GLI2: variants seen among roughly 807,000 people sequenced by gnomAD.
GLI2 encodes GLI family zinc finger 2.
Under a neutral mutation model 78.9 loss-of-function variants are expected in GLI2, and 22 were observed. The ratio of observed to expected loss-of-function variants is 0.28; its 90% CI spans 0.20 to 0.40. GLI2 has a LOEUF of 0.40. Among genes scored for constraint, GLI2 ranks in the 10% least tolerant of loss-of-function variants. The pLI is 1.00. For missense variants in GLI2, 2,097 were observed against 2,213.2 expected, an observed-to-expected ratio of 0.95 and a Z score of 1.05; for synonymous variants, 974 against 963.7, an observed-to-expected ratio of 1.01 and a Z score of -0.20.
At chr2:120,761,898 C>T (rs1683224906) in intron 1 of GLI2, among the ~76,000 whole-genome samples, 1 of 152,122 alleles carries the variant, frequency 6.6e-6, no homozygotes, top group Admixed American at 6.5e-5. Context: ...CCCTCTTGGT[C>T]CTTAGCCAGA....
chr2:120,826,643 A>G (rs1686077594), intron 2 of GLI2, among the ~76,000 whole-genome samples: 1 of 152,206 alleles, frequency 6.6e-6, no homozygotes, highest in African/African-American at 2.4e-5. Context: ...GCCGTTTTAC[A>G]GATTAGGGAC....
chr2:120,777,426 G>C (rs1010733116), intron 1 of GLI2, among the ~76,000 whole-genome samples: 1 of 152,114 alleles, frequency 6.6e-6, no homozygotes, highest in East Asian at 1.9e-4. Context: ...TGTTTCCAGT[G>C]CCGTTTGGGC....
intron 2 of GLI2, among the ~76,000 whole-genome samples, chr2:120,919,039 T>C (rs899911562): frequency 6.6e-6 from 1 of 152,238 alleles, no homozygotes; most frequent in Non-Finnish European, 1.5e-5. Context: ...TACTGCTTTT[T>C]TCTTTCTTCT....
intron 2 of GLI2, among the ~76,000 whole-genome samples, chr2:120,914,476 CCTT>C (rs1678994253): frequency 1.3e-5 from 2 of 152,218 alleles, no homozygotes; most frequent in Non-Finnish European, 2.9e-5. Context: ...TTTTTAGAAA[CCTT>C]CTGTGACCAA....
chr2:120,961,300 C>T (rs1243194546), intron 5 of GLI2, among the ~76,000 whole-genome samples: 1 of 152,106 alleles, frequency 6.6e-6, no homozygotes, highest in African/African-American at 2.4e-5. Flanking sequence ...TTGATCAAAC[C>T]CAGAGAGGCA....
intron 2 of GLI2, among the ~76,000 whole-genome samples, chr2:120,891,871 G>A (rs1431294473): frequency 6.6e-6 from 1 of 152,206 alleles, no homozygotes; most frequent in African/African-American, 2.4e-5. Flanking sequence ...CTGGGAGATT[G>A]TGAGAAGCTG....
At chr2:120,861,044 C>G (rs1687878617) in intron 2 of GLI2, among the ~76,000 whole-genome samples, 1 of 152,144 alleles carries the variant, frequency 6.6e-6, no homozygotes, top group Non-Finnish European at 1.5e-5. Flanking sequence ...ATCCTGAAGC[C>G]CTAGATGCCC....
rs377701321 is a variant in GLI2, at chr2:120,984,467, C to G, written c.1633-4C>G. 4.4e-5 allele frequency: 71 copies of G among 1,614,004 alleles called. No individual in the cohort carries two copies. The highest frequency in any genetic ancestry group is 3.3e-4 in the Middle Eastern group (2 of 6,084). On this transcript the variant is annotated splice_region_variant and splice_polypyrimidine_tract_variant and intron_variant, in intron 11 of 13. Coordinates refer to ENST00000361492, the MANE Select transcript of GLI2 (RefSeq NM_001374353.1). Reference sequence around the variant, plus strand: ...CCATGACACAGGCCTGCTTCTCTCCCCAGAAACCCTACATCTGCAAGATCC... The same window carrying G: ...CCATGACACAGGCCTGCTTCTCTCCGCAGAAACCCTACATCTGCAAGATCC...
At chr2:120,929,000 C>G (rs149458041) in intron 3 of GLI2, among the ~76,000 whole-genome samples, 1 of 152,064 alleles carries the variant, frequency 6.6e-6, no homozygotes, top group African/African-American at 2.4e-5. Flanking sequence ...ACTTGGTTGC[C>G]GAGACTCCTT....
Position 120,989,460 on chromosome 2 carries a change from G to A in GLI2, c.3495G>A (p.Gln1165=). Residue 1165 remains glutamine, a synonymous_variant, in exon 14 of 14, where the codon CAG becomes CAA. Coordinates refer to ENST00000361492, the MANE Select transcript of GLI2 (RefSeq NM_001374353.1). ...TGCAGCAGAAGCCTGCCTTTGGCCA[G>A]TACCCGGGCTACAGTCCGCAAGGCC... ...AVVQQKPAFG[Q]YPGYSPQGLQ... 6.2e-7 allele frequency: 1 copy of A among 1,613,104 alleles called. No individual in the cohort carries two copies. Among genetic ancestry groups the A allele is most frequent in the Non-Finnish European group, 8.5e-7 (1 of 1,179,986 alleles).
intron 3 of GLI2, among the ~76,000 whole-genome samples, chr2:120,942,536 T>C (rs990691510): frequency 1.3e-5 from 2 of 152,250 alleles, no homozygotes; most frequent in Admixed American, 1.3e-4. Flanking sequence ...CTTGTCTTAA[T>C]CACATCTGTC....
chr2:120,877,491 T>G (rs1688814388), intron 2 of GLI2, among the ~76,000 whole-genome samples: 1 of 152,148 alleles, frequency 6.6e-6, no homozygotes, highest in Non-Finnish European at 1.5e-5. Flanking sequence ...ACCATGACCA[T>G]GAGCCGAAGC....
At chr2:120,767,508 T>G (rs1683399447) in intron 1 of GLI2, among the ~76,000 whole-genome samples, 1 of 152,208 alleles carries the variant, frequency 6.6e-6, no homozygotes, top group Non-Finnish European at 1.5e-5. Context: ...ACTGGGAAAT[T>G]AAGTCGCATC....
chr2:120,946,692 T>G (rs1271480070), intron 3 of GLI2, among the ~76,000 whole-genome samples: 1 of 152,132 alleles, frequency 6.6e-6, no homozygotes, highest in Admixed American at 6.5e-5. Context: ...TGGTGAAGTC[T>G]CCATGGCTCA....
chr2:120,879,054 C>T (rs945991625), intron 2 of GLI2, among the ~76,000 whole-genome samples: 6 of 152,170 alleles, frequency 3.9e-5, no homozygotes, highest in Admixed American at 3.9e-4. Flanking sequence ...GTGTCTCCTC[C>T]GGCATTGCCC....
rs539662910 is a variant in GLI2, at chr2:120,763,386, C to T, written c.-31+27101C>T. Among the ~76,000 whole-genome samples the T allele has an allele frequency of 2.2e-4, 34 of 152,324 alleles. No individual in the cohort carries two copies. In the South Asian group the frequency reaches 3.9e-3, roughly 18 times the overall value. On this transcript the variant is annotated intron_variant, in intron 1 of 13. Coordinates refer to ENST00000361492, the MANE Select transcript of GLI2 (RefSeq NM_001374353.1). ...GGACACATTTGTTGGATTGAGGGGA[C>T]TTGAAGGCCTCCACAGTGGCAGGGC...
At chr2:120,835,447 A>T (rs1349595944) in intron 2 of GLI2, among the ~76,000 whole-genome samples, 1 of 148,606 alleles carries the variant, frequency 6.7e-6, no homozygotes, top group African/African-American at 2.5e-5. Flanking sequence ...GTGCAGTGGC[A>T]TGATTTCGGC....
At chr2:120,864,092 T>A (rs1050111500) in intron 2 of GLI2, among the ~76,000 whole-genome samples, 3 of 152,124 alleles carry the variant, frequency 2.0e-5, no homozygotes, top group Admixed American at 6.5e-5. Context: ...GTTCTGGGTG[T>A]GGAGAGTCCT....
intron 2 of GLI2, among the ~76,000 whole-genome samples, chr2:120,891,061 C>T (rs1677656980): frequency 6.6e-6 from 1 of 152,220 alleles, no homozygotes; most frequent in Non-Finnish European, 1.5e-5. Flanking sequence ...ACCCACTGGG[C>T]ACCAGACGTG....
Sources: gnomAD v4.1 joint callset for allele counts (sites outside exome capture counted in the v4.1 genomes callset) on GRCh38, gnomAD v4.1.1 for gene constraint, MANE v1.5 for transcripts, NCBI Gene and HGNC (gene_info 2026-07-23, HGNC 2026-07-21) for gene names.